ASIC2: variants seen among roughly 807,000 people sequenced by gnomAD.
ASIC2 encodes the protein acid sensing ion channel subunit 2.
Under a neutral mutation model 57.3 loss-of-function variants are expected in ASIC2, and 25 were observed. The observed-to-expected ratio is 0.44, with a 90% CI of 0.32 to 0.61. ASIC2 has a LOEUF of 0.61. Ranked by LOEUF, ASIC2 falls within the 20% of genes least tolerant of loss-of-function variation. ASIC2 has a pLI of 0.06. For synonymous variants in ASIC2, 319 were observed against 307.5 expected (o/e 1.04, Z -0.39); for missense variants, 641 against 738.1 (o/e 0.87, Z 1.52).
chr17:33,108,561 G>C (rs11654703), intron 2 of ASIC2, among the ~76,000 whole-genome samples: 87,633 of 151,960 alleles, frequency 0.58, 26,037 homozygotes, highest in African/African-American at 0.73. Context: ...TCTCACCTGC[G>C]AGAGCCCACC....
chr17:33,126,331 A>C (rs1046305994), intron 1 of ASIC2, among the ~76,000 whole-genome samples: 6 of 152,192 alleles, frequency 3.9e-5, no homozygotes, highest in Admixed American at 1.3e-4. Flanking sequence ...CATCTGAAGA[A>C]TGTGGATAAT....
intron 1 of ASIC2, among the ~76,000 whole-genome samples, chr17:33,204,955 AAG>A (rs1208985319): frequency 5.3e-5 from 8 of 152,234 alleles, no homozygotes; most frequent in Non-Finnish European, 1.5e-5. Flanking sequence ...CTGAAGTCAG[AAG>A]AGTCTACTTG....
chr17:33,489,106 T>A (rs1284752264), intron 1 of ASIC2, among the ~76,000 whole-genome samples: 1 of 152,100 alleles, frequency 6.6e-6, no homozygotes, highest in East Asian at 1.9e-4. Flanking sequence ...AGAGTGAGAA[T>A]CCTGCAAGGA....
intron 1 of ASIC2, among the ~76,000 whole-genome samples, chr17:33,610,450 C>T (rs931868450): frequency 6.6e-6 from 1 of 152,150 alleles, no homozygotes; most frequent in Non-Finnish European, 1.5e-5. Flanking sequence ...AGGCACCACA[C>T]CCCCCACCGC....
At chr17:33,858,418 T>C (rs1261659445) in intron 1 of ASIC2, among the ~76,000 whole-genome samples, 1 of 152,216 alleles carries the variant, frequency 6.6e-6, no homozygotes, top group African/African-American at 2.4e-5. Flanking sequence ...AAGGGCTCTG[T>C]GCTGCCAGTC....
chr17:34,140,394 T>A (rs2142135702), intron 1 of ASIC2, among the ~76,000 whole-genome samples: 1 of 152,292 alleles, frequency 6.6e-6, no homozygotes, highest in East Asian at 1.9e-4. Flanking sequence ...TAAATGTAGA[T>A]GTAACTATCC....
chr17:33,631,623 C>T (rs1255824954), intron 1 of ASIC2, among the ~76,000 whole-genome samples: 1 of 152,024 alleles, frequency 6.6e-6, no homozygotes, highest in African/African-American at 2.4e-5. Context: ...ATGCCTGGCA[C>T]ATTGACAGAG....
intron 1 of ASIC2, among the ~76,000 whole-genome samples, chr17:33,846,424 C>T (rs1913603819): frequency 2.0e-5 from 3 of 152,156 alleles, no homozygotes; most frequent in Non-Finnish European, 4.4e-5. Flanking sequence ...GTTGGCCTCA[C>T]TAATAGCTCT....
At chr17:33,619,501 G>A (rs1397165909) in intron 1 of ASIC2, among the ~76,000 whole-genome samples, 1 of 152,160 alleles carries the variant, frequency 6.6e-6, no homozygotes, top group East Asian at 1.9e-4. Context: ...GAGAGAGCAC[G>A]AATTCACAGA....
intron 1 of ASIC2, among the ~76,000 whole-genome samples, chr17:33,521,900 C>T (rs1288589344): frequency 6.6e-6 from 1 of 152,162 alleles, no homozygotes; most frequent in Non-Finnish European, 1.5e-5. Context: ...CAGGCAGGCC[C>T]CTTCCCCCAT....
chr17:33,437,622 C>A (rs2037858398), intron 1 of ASIC2, among the ~76,000 whole-genome samples: 1 of 151,962 alleles, frequency 6.6e-6, no homozygotes, highest in South Asian at 2.1e-4. Context: ...ACAGTGAAAC[C>A]TCGTCTCTAC....
At chr17:33,836,220 C>G (rs1913271041) in intron 1 of ASIC2, among the ~76,000 whole-genome samples, 1 of 148,564 alleles carries the variant, frequency 6.7e-6, no homozygotes, top group African/African-American at 2.5e-5. Flanking sequence ...TGGGTTCAAG[C>G]AATTCTCATG....
At chr17:33,944,388 C>T (rs1916259863) in intron 1 of ASIC2, among the ~76,000 whole-genome samples, 1 of 152,194 alleles carries the variant, frequency 6.6e-6, no homozygotes, top group Admixed American at 6.5e-5. Flanking sequence ...TCTCATTAGC[C>T]TCAGGAAGGA....
At chr17:33,730,654 G>C (rs545662190) in intron 1 of ASIC2, among the ~76,000 whole-genome samples, 2 of 152,264 alleles carry the variant, frequency 1.3e-5, no homozygotes, top group South Asian at 4.1e-4. Context: ...TGCTTACTTT[G>C]TTAAACTGTT....
intron 1 of ASIC2, among the ~76,000 whole-genome samples, chr17:34,089,056 A>C (rs1910227237): frequency 6.6e-6 from 1 of 152,116 alleles, no homozygotes; most frequent in Non-Finnish European, 1.5e-5. Context: ...ACCTGCGCCC[A>C]CTGTCTGGCA....
chr17:33,469,493 A>G (rs771335781), intron 1 of ASIC2, among the ~76,000 whole-genome samples: 3 of 152,168 alleles, frequency 2.0e-5, no homozygotes, highest in Non-Finnish European at 4.4e-5. Flanking sequence ...AGCTGCAGGA[A>G]GAGGAACACG....
At chr17:33,881,323 C>T (rs1281717524) in intron 1 of ASIC2, among the ~76,000 whole-genome samples, 2 of 152,142 alleles carry the variant, frequency 1.3e-5, no homozygotes, top group African/African-American at 4.8e-5. Context: ...GTCAAATTGT[C>T]CCTGTTTGCA....
chr17:33,460,601 A>T (rs1200482754), intron 1 of ASIC2, among the ~76,000 whole-genome samples: 1 of 152,236 alleles, frequency 6.6e-6, no homozygotes, highest in Non-Finnish European at 1.5e-5. Context: ...GCCAAAGATT[A>T]TTTAGTCTCA....
chr17:34,038,046 C>T, intron 1 of ASIC2: 1 of 1,613,372 alleles, frequency 6.2e-7, no homozygotes, highest in East Asian at 2.2e-5. Context: ...GATGTTAGCT[C>T]CATGCCATCC....
Sources: allele counts gnomAD v4.1 joint callset (sites outside exome capture counted in the v4.1 genomes callset), GRCh38; gene constraint gnomAD v4.1.1; transcripts MANE v1.5; gene names NCBI Gene and HGNC (gene_info 2026-07-23, HGNC 2026-07-21).